Variants in COMMD1 observed in about 807,000 individuals in gnomAD.
COMMD1 encodes copper metabolism domain containing 1, also known as COMM domain-containing protein 1.
In COMMD1, 10 loss-of-function variants were observed where a neutral mutation model predicts 17.2. The ratio of observed to expected loss-of-function variants is 0.58; its 90% CI spans 0.36 to 0.99. The LOEUF is 0.99. Ranked by LOEUF, COMMD1 falls within the 50% of genes least tolerant of loss-of-function variation. COMMD1 has a pLI of 0.01. For synonymous variants in COMMD1, 97 were observed against 91.6 expected (o/e 1.06, Z -0.34); for missense variants, 270 against 231.8 (o/e 1.17, Z -1.07).
intron 2 of COMMD1, among the ~76,000 whole-genome samples, chr2:62,079,180 C>T (rs375444683): frequency 3.3e-5 from 5 of 152,040 alleles, no homozygotes; most frequent in African/African-American, 4.8e-5. Flanking sequence ...GAGTCCACAG[C>T]GCAAAGTAAA....
chr2:61,969,951 C>T (rs1314999659), intron 1 of COMMD1, among the ~76,000 whole-genome samples: 1 of 151,542 alleles, frequency 6.6e-6, no homozygotes. Flanking sequence ...GAGTTATTTC[C>T]AAGCAGAATG....
intron 1 of COMMD1, among the ~76,000 whole-genome samples, chr2:61,889,100 A>C (rs1409325929): frequency 7.0e-6 from 1 of 143,562 alleles, no homozygotes; most frequent in Non-Finnish European, 1.5e-5. Flanking sequence ...ACAGGGTTTC[A>C]CCATGTTGGC....
At chr2:62,014,204 G>A (rs1042375385) in intron 2 of COMMD1, among the ~76,000 whole-genome samples, 8 of 152,144 alleles carry the variant, frequency 5.3e-5, no homozygotes, top group African/African-American at 1.9e-4. Flanking sequence ...GTTGGACTTC[G>A]TTCAGCTGTT....
chr2:61,965,132 T>C (rs939429424), intron 1 of COMMD1, among the ~76,000 whole-genome samples: 1 of 152,116 alleles, frequency 6.6e-6, no homozygotes, highest in Non-Finnish European at 1.5e-5. Flanking sequence ...CTTTAGAGTG[T>C]TTAAGATCTA....
At chr2:61,997,954 A>G (rs1454073259) in intron 1 of COMMD1, among the ~76,000 whole-genome samples, 3 of 152,218 alleles carry the variant, frequency 2.0e-5, no homozygotes, top group African/African-American at 7.2e-5. Flanking sequence ...ACGTTCATCA[A>G]ATAGCTAGAT....
chr2:62,012,101 A>G (rs1469065799), intron 2 of COMMD1, among the ~76,000 whole-genome samples: 1 of 151,930 alleles, frequency 6.6e-6, no homozygotes, highest in Non-Finnish European at 1.5e-5. Flanking sequence ...ATACAAAAAA[A>G]TTAGCTGGGG....
chr2:61,947,716 CTTTT>C (rs543333587), intron 1 of COMMD1, among the ~76,000 whole-genome samples: 4 of 132,250 alleles, frequency 3.0e-5, no homozygotes, highest in Non-Finnish European at 3.2e-5. Flanking sequence ...TTTTTTTGTA[CTTTT>C]TTTTTTTTTT....
At chr2:61,919,778 G>A (rs1446581645) in intron 1 of COMMD1, among the ~76,000 whole-genome samples, 4 of 152,182 alleles carry the variant, frequency 2.6e-5, no homozygotes, top group Non-Finnish European at 5.9e-5. Flanking sequence ...TCCTCCCTAA[G>A]TTGTATACCT....
chr2:62,000,541 C>T (rs1668900433), intron 1 of COMMD1, among the ~76,000 whole-genome samples, 160 bp from the exon 2 acceptor site: 1 of 152,040 alleles, frequency 6.6e-6, no homozygotes, highest in Admixed American at 6.6e-5. Context: ...GTGATCTCAC[C>T]TCTGCCTCCC....
intron 1 of COMMD1, among the ~76,000 whole-genome samples, chr2:61,954,795 C>T (rs1039744214): frequency 1.4e-4 from 22 of 152,148 alleles, no homozygotes; most frequent in African/African-American, 4.8e-4. Context: ...AATTCTCCTA[C>T]CTCAGCCTCC....
intron 2 of COMMD1, among the ~76,000 whole-genome samples, chr2:62,008,442 A>G (rs1428523520): frequency 6.6e-6 from 1 of 152,198 alleles, no homozygotes; most frequent in East Asian, 1.9e-4. Flanking sequence ...AGGGATTTGT[A>G]AGGATAGGAT....
chr2:61,975,130 T>G (rs1573020554), intron 1 of COMMD1, among the ~76,000 whole-genome samples: 1 of 147,488 alleles, frequency 6.8e-6, no homozygotes, highest in Non-Finnish European at 1.5e-5. Flanking sequence ...TTTTTTTTTT[T>G]TTTTTTTTTT....
chr2:61,978,905 T>A (rs746973856), intron 1 of COMMD1, among the ~76,000 whole-genome samples: 2 of 152,180 alleles, frequency 1.3e-5, no homozygotes, highest in Non-Finnish European at 2.9e-5. Context: ...TGTCTAATAA[T>A]CATATCAGGG....
rs149423513 is a variant in COMMD1 at position 61,947,840 on chromosome 2, A to G, written c.180+41982A>G. 3.3e-5 allele frequency among the ~76,000 whole-genome samples: 5 copies of G among 150,664 alleles called. No individual in the cohort carries two copies. The East Asian group carries it at 9.8e-4, about 30-fold the overall frequency. ...GTAGCTGGGCTTATAGGCATGCACC[A>G]GGGCCTGTCTTATTTCTACTTTTAA... On this transcript the variant is annotated intron_variant, in intron 1 of 2. Transcript: ENST00000311832.
chr2:61,933,278 C>T (rs1274278251), intron 1 of COMMD1, among the ~76,000 whole-genome samples: 1 of 151,870 alleles, frequency 6.6e-6, no homozygotes, highest in South Asian at 2.1e-4. Context: ...GCTTGTATCC[C>T]CATTGCTTAG....
chr2:62,128,117 C>T (rs940519523), intron 2 of COMMD1, among the ~76,000 whole-genome samples: 1 of 150,932 alleles, frequency 6.6e-6, no homozygotes, highest in Non-Finnish European at 1.5e-5. Flanking sequence ...CATTTGAGAT[C>T]AGAAATTCAA....
chr2:62,110,384 A>G (rs920371180), intron 2 of COMMD1, among the ~76,000 whole-genome samples: 8 of 152,174 alleles, frequency 5.3e-5, no homozygotes, highest in African/African-American at 1.7e-4. Context: ...GGCAGACACT[A>G]TTATTTAAAG....
At chr2:61,989,502 G>A (rs1446004815) in intron 1 of COMMD1, among the ~76,000 whole-genome samples, 2 of 147,448 alleles carry the variant, frequency 1.4e-5, no homozygotes, top group Admixed American at 6.9e-5. Context: ...TCACTCGGTC[G>A]CCCAGGCTGG....
chr2:61,925,055 AC>A (rs1670293436), intron 1 of COMMD1, among the ~76,000 whole-genome samples: 1 of 152,076 alleles, frequency 6.6e-6, no homozygotes, highest in Non-Finnish European at 1.5e-5. Context: ...CTCTTCACTC[AC>A]CCTGGTGGAG....
Sources: gnomAD v4.1 joint callset for allele counts (sites outside exome capture counted in the v4.1 genomes callset) on GRCh38, gnomAD v4.1.1 for gene constraint, MANE v1.5 for transcripts, NCBI Gene and HGNC (gene_info 2026-07-23, HGNC 2026-07-21) for gene names.